The following CADPS2 variants were observed in gnomAD, a reference collection of about 807,000 sequenced individuals.
The protein encoded by CADPS2 is calcium dependent secretion activator 2, also known as calcium-dependent secretion activator 2.
CADPS2 carries 93 observed loss-of-function variants against 172.5 expected under a neutral mutation model. The observed-to-expected ratio is 0.54, with a 90% CI of 0.46 to 0.64. The LOEUF is 0.64. Among genes scored for constraint, CADPS2 ranks in the 30% least tolerant of loss-of-function variants. The pLI is 0.00. For synonymous variants in CADPS2, 546 were observed against 555.2 expected, an observed-to-expected ratio of 0.98 and a Z score of 0.23; for missense variants, 1,420 against 1,565.9, an observed-to-expected ratio of 0.91 and a Z score of 1.57.
chr7:122,797,769 G>A (rs1383183679), intron 1 of CADPS2, among the ~76,000 whole-genome samples: 1 of 151,966 alleles, frequency 6.6e-6, no homozygotes, highest in African/African-American at 2.4e-5. Flanking sequence ...CAGGTACTAG[G>A]AATAATACCC....
intron 2 of CADPS2, among the ~76,000 whole-genome samples, chr7:122,705,607 T>C (rs2136407228): frequency 9.4e-6 from 1 of 106,000 alleles, no homozygotes; most frequent in African/African-American, 3.8e-5. Context: ...TTATATATTA[T>C]ATAACATTTA....
intron 1 of CADPS2, among the ~76,000 whole-genome samples, chr7:122,826,482 GA>G (rs1804908112): frequency 6.6e-6 from 1 of 152,006 alleles, no homozygotes; most frequent in East Asian, 1.9e-4. Context: ...AGAAATGACA[GA>G]AATGTTAGAT....
At chr7:122,689,475 A>G (rs900422879) in intron 2 of CADPS2, among the ~76,000 whole-genome samples, 3 of 152,302 alleles carry the variant, frequency 2.0e-5, no homozygotes, top group African/African-American at 7.2e-5. Flanking sequence ...TCCTACAGTA[A>G]TGACACCTGC....
At chr7:122,564,094 G>A (rs1323583987) in intron 7 of CADPS2, among the ~76,000 whole-genome samples, 2 of 152,078 alleles carry the variant, frequency 1.3e-5, no homozygotes, top group Admixed American at 6.6e-5. Context: ...CTTTGGATAA[G>A]GGATACTCAA....
intron 6 of CADPS2, among the ~76,000 whole-genome samples, chr7:122,610,346 G>A (rs889464982): frequency 6.6e-6 from 1 of 151,602 alleles, no homozygotes; most frequent in Non-Finnish European, 1.5e-5. Flanking sequence ...TTAAAATAAC[G>A]TAACTTCAGA....
intron 1 of CADPS2, among the ~76,000 whole-genome samples, chr7:122,821,100 A>G (rs1005022605): frequency 6.6e-6 from 1 of 151,894 alleles, no homozygotes; most frequent in Non-Finnish European, 1.5e-5. Flanking sequence ...CCAGACTTCA[A>G]TCCAGCCTCC....
intron 7 of CADPS2, among the ~76,000 whole-genome samples, chr7:122,555,161 T>A (rs561612803): frequency 6.6e-6 from 1 of 152,196 alleles, no homozygotes; most frequent in East Asian, 1.9e-4. Flanking sequence ...GGAAATCAAC[T>A]CAATTAGAGA....
intron 9 of CADPS2, among the ~76,000 whole-genome samples, chr7:122,492,159 G>A (rs1049550167): frequency 3.3e-5 from 5 of 151,858 alleles, no homozygotes; most frequent in East Asian, 1.9e-4. Context: ...ACGACAGAGC[G>A]AGACTCCATC....
intron 6 of CADPS2, among the ~76,000 whole-genome samples, chr7:122,598,519 A>G (rs1475269911): frequency 6.6e-6 from 1 of 152,118 alleles, no homozygotes; most frequent in East Asian, 1.9e-4. Context: ...AGTGATTCGT[A>G]CAATGTCACT....
At chr7:122,669,355 AT>A (rs34217280) in intron 2 of CADPS2, among the ~76,000 whole-genome samples, 19,546 of 139,278 alleles carry the variant, frequency 0.14, 1,834 homozygotes, top group African/African-American at 0.25. Flanking sequence ...ATATATATAT[AT>A]TTTTTTTTTT....
intron 2 of CADPS2, among the ~76,000 whole-genome samples, chr7:122,696,437 T>G (rs1157255199): frequency 6.6e-6 from 1 of 152,206 alleles, no homozygotes; most frequent in East Asian, 1.9e-4. Context: ...ACCTGGTCAT[T>G]TGCCCAGTTT....
chr7:122,489,550 G>C (rs2058106693), intron 11 of CADPS2, among the ~76,000 whole-genome samples: 1 of 151,984 alleles, frequency 6.6e-6, no homozygotes, highest in South Asian at 2.1e-4. Flanking sequence ...AACAACTTAA[G>C]GTAGCATTCA....
chr7:122,501,794 G>A (rs954834038), intron 9 of CADPS2, among the ~76,000 whole-genome samples: 4 of 144,412 alleles, frequency 2.8e-5, no homozygotes, highest in African/African-American at 7.8e-5. Flanking sequence ...AGAATCACTT[G>A]AACCTGGGAG....
chr7:122,704,462 T>G (rs1001465563), intron 2 of CADPS2, among the ~76,000 whole-genome samples: 2 of 152,188 alleles, frequency 1.3e-5, no homozygotes, highest in African/African-American at 4.8e-5. Flanking sequence ...TAGAGGTAAT[T>G]TGTTAAATCT....
intron 3 of CADPS2, among the ~76,000 whole-genome samples, chr7:122,660,991 G>C (rs1043443552): frequency 3.3e-5 from 5 of 152,084 alleles, no homozygotes; most frequent in Non-Finnish European, 4.4e-5. Context: ...TATGTTAAAA[G>C]TAAACAGATG....
At position 122,471,505 on chromosome 7, in the gene CADPS2, C is replaced by T. The variant is rs752181518; in HGVS notation, c.2056G>A (p.Val686Met). The change falls in exon 14 of 30, where the codon GTG (valine) becomes ATG (methionine). Residue 686 changes from valine to methionine, a missense_variant. Physicochemically the swap from Val to Met is conservative, Grantham distance 21. Transcript: ENST00000449022. Reference protein sequence around the residue: ...VLDEYCARYGVRGCHRHLCYL... With the variant: ...VLDEYCARYGMRGCHRHLCYL... ...CAGAGATGTCTGTGACAGCCTCTCA[C>T]ACCATAACGGGCACAGTACTCATCT... 3 of 1,612,096 alleles carry T rather than the reference C, an allele frequency of 1.9e-6. No individual in the cohort carries two copies. The highest frequency in any genetic ancestry group is 2.5e-6 in the Non-Finnish European group (3 of 1,179,022).
At chr7:122,351,217 C>CA (rs1361930475) in intron 27 of CADPS2, among the ~76,000 whole-genome samples, 1 of 149,806 alleles carries the variant, frequency 6.7e-6, no homozygotes, top group Non-Finnish European at 1.5e-5. Context: ...ACTAAAAATA[C>CA]AAAAAATTAG....
In CADPS2 at chr7:122,882,617, C is replaced by CTT. The variant is rs35781696; in HGVS notation, c.339+3380_339+3381dup. Among the ~76,000 whole-genome samples the CTT allele has an allele frequency of 6.1e-3, 832 of 136,844 alleles. 10 individuals carry two copies. The highest frequency in any genetic ancestry group is 0.019 in the African/African-American group (707 of 36,762). The allele number at this position is 136,844 out of a possible 152,430, so 89.8% of individuals were successfully genotyped here. A position where few individuals can be genotyped will look rare whatever the true frequency, so the allele number is the denominator to read the frequency against. Reference sequence around the variant, plus strand: ...CTAACTTTCAAACCACCAAGGAACCCTTTTTTTTTTTTTTTTTACTTTCTC... The same window carrying CTT: ...CTAACTTTCAAACCACCAAGGAACCCTTTTTTTTTTTTTTTTTTTACTTTCTC... On this transcript the variant is annotated intron_variant, in intron 1 of 29. Transcript: ENST00000449022.
chr7:122,642,646 T>G (rs1413604896), intron 3 of CADPS2, among the ~76,000 whole-genome samples: 1 of 151,774 alleles, frequency 6.6e-6, no homozygotes, highest in Non-Finnish European at 1.5e-5. Context: ...ACTTATATCT[T>G]AAAGAAAAAA....
Sources: allele counts gnomAD v4.1 joint callset (sites outside exome capture counted in the v4.1 genomes callset), GRCh38; gene constraint gnomAD v4.1.1; transcripts MANE v1.5; gene names NCBI Gene and HGNC (gene_info 2026-07-23, HGNC 2026-07-21).